The following EPB41L5 variants were observed in gnomAD, a reference collection of about 807,000 sequenced individuals.
EPB41L5 encodes erythrocyte membrane protein band 4.1 like 5.
Under a neutral mutation model 106.6 loss-of-function variants are expected in EPB41L5, and 55 were observed. The ratio of observed to expected loss-of-function variants is 0.52; its 90% CI spans 0.42 to 0.65. EPB41L5 has a LOEUF of 0.65. Ranked by LOEUF, EPB41L5 falls within the 30% of genes least tolerant of loss-of-function variation. EPB41L5 has a pLI of 0.00. For missense variants in EPB41L5, 871 were observed against 882.1 expected (o/e 0.99, Z 0.16); for synonymous variants, 297 against 306.7 (o/e 0.97, Z 0.33).
chr2:120,083,389 T>A (rs974726784), intron 10 of EPB41L5, among the ~76,000 whole-genome samples: 2 of 152,234 alleles, frequency 1.3e-5, no homozygotes, highest in African/African-American at 2.4e-5. Flanking sequence ...GAGCAAGTTG[T>A]TCATTTTCCA....
At chr2:120,098,963 A>G (rs1193700679) in intron 14 of EPB41L5, among the ~76,000 whole-genome samples, 2 of 152,236 alleles carry the variant, frequency 1.3e-5, no homozygotes, top group African/African-American at 4.8e-5. Flanking sequence ...GATTACTGCT[A>G]TGGGAGGCCT....
At chr2:120,098,688 T>TA (rs2105390145) in intron 14 of EPB41L5, among the ~76,000 whole-genome samples, 1 of 152,326 alleles carries the variant, frequency 6.6e-6, no homozygotes, top group African/African-American at 2.4e-5. Context: ...TAGTGCAAGT[T>TA]ATAGTGACTC....
chr2:120,162,069 A>C (rs547690803), intron 21 of EPB41L5, among the ~76,000 whole-genome samples: 1 of 152,316 alleles, frequency 6.6e-6, no homozygotes, highest in South Asian at 2.1e-4. Flanking sequence ...CCTTCAAGCA[A>C]TTCTACTACC....
rs1482126299 is a variant in EPB41L5, at chr2:120,143,151, T to C, written c.1728+20T>C. ...CATAAGGTAAGCTGCCTTTGATAGA[T>C]AGCCCTGGTGAAGTGAAATGAGCAT... On this transcript the variant is annotated intron_variant, in intron 19 of 24. Transcript: ENST00000263713. The C allele has an allele frequency of 1.3e-6, 2 of 1,554,282 alleles. No homozygotes were observed. The highest frequency in any genetic ancestry group is 1.2e-5 in the South Asian group (1 of 80,062).
At chr2:120,117,602 A>T (rs1685008988) in intron 16 of EPB41L5, among the ~76,000 whole-genome samples, 1 of 152,172 alleles carries the variant, frequency 6.6e-6, no homozygotes, top group African/African-American at 2.4e-5. Context: ...TGCCAATCTG[A>T]AAAACAATAT....
chr2:120,025,785 C>G (rs1037072430), intron 2 of EPB41L5, among the ~76,000 whole-genome samples: 3 of 152,142 alleles, frequency 2.0e-5, no homozygotes, highest in Non-Finnish European at 1.5e-5. Flanking sequence ...AATTTACAAG[C>G]TGATTCTAAA....
intron 16 of EPB41L5, among the ~76,000 whole-genome samples, chr2:120,126,009 A>T (rs1480021801): frequency 6.6e-6 from 1 of 152,150 alleles, no homozygotes; most frequent in East Asian, 1.9e-4. Context: ...TTGTCTTCAC[A>T]TAGCATTCTC....
intron 18 of EPB41L5, among the ~76,000 whole-genome samples, chr2:120,140,429 C>G (rs1686121407): frequency 1.3e-5 from 2 of 151,938 alleles, no homozygotes; most frequent in African/African-American, 4.8e-5. Flanking sequence ...TATACAAGTA[C>G]TATGTACCCA....
intron 16 of EPB41L5, among the ~76,000 whole-genome samples, chr2:120,107,526 AC>A (rs1006905370): frequency 5.3e-5 from 8 of 152,268 alleles, no homozygotes; most frequent in South Asian, 2.1e-4. Flanking sequence ...AGATGCTTTT[AC>A]ATAAGGGCTA....
In EPB41L5 at chr2:120,127,851, A is replaced by G. The variant is rs1365968932; in HGVS notation, c.1501A>G (p.Thr501Ala). The G allele has an allele frequency of 2.5e-6, 4 of 1,605,990 alleles. No individual in the cohort carries two copies. The highest frequency in any genetic ancestry group is 3.4e-6 in the Non-Finnish European group (4 of 1,174,064). ...GLGEPEVEYE[T>A]LKDTSEKLKQ... Reference sequence around the variant, plus strand: ...AGGGGAACCTGAAGTTGAATATGAGAGTAAGTAAATGTTCCATTATACATC... The same window carrying G: ...AGGGGAACCTGAAGTTGAATATGAGGGTAAGTAAATGTTCCATTATACATC... The change falls in exon 17 of 25, where the codon ACA becomes GCA. Residue 501 changes from threonine to alanine, a missense_variant and splice_region_variant. Transcript: ENST00000263713.
chr2:120,141,120 C>T (rs1450816103), intron 18 of EPB41L5, among the ~76,000 whole-genome samples: 5 of 152,074 alleles, frequency 3.3e-5, no homozygotes, highest in African/African-American at 1.2e-4. Context: ...AGGATTTATA[C>T]AGTCACCTGA....
chr2:120,017,730 C>A (rs1357968798), intron 1 of EPB41L5, among the ~76,000 whole-genome samples: 1 of 152,146 alleles, frequency 6.6e-6, no homozygotes, highest in African/African-American at 2.4e-5. Flanking sequence ...TGAATTATAT[C>A]TGTATTTTAG....
At chr2:120,104,525 G>T (rs1684337496) in intron 16 of EPB41L5, 1 of 1,051,158 alleles carries the variant, frequency 9.5e-7, no homozygotes, top group African/African-American at 1.7e-5. Flanking sequence ...CACATCACCA[G>T]ACTGTATCTC....
chr2:120,051,305 A>G (rs1162802999), intron 3 of EPB41L5, among the ~76,000 whole-genome samples: 2 of 152,190 alleles, frequency 1.3e-5, no homozygotes, highest in African/African-American at 2.4e-5. Flanking sequence ...GGCTCCACCC[A>G]GTTCAAGCTT....
intron 16 of EPB41L5, chr2:120,105,451 G>T (rs1333919857): frequency 2.0e-6 from 2 of 985,200 alleles, no homozygotes. Context: ...AATCCTTCCT[G>T]CCAGACAAAG....
chr2:120,164,908 C>CAGGTAA lies in EPB41L5; in HGVS notation c.1962_1962+5dup. On this transcript the variant is annotated inframe_insertion and splice_region_variant, in exon 22 of 25. Transcript: ENST00000263713. The stretch of plus-strand genomic sequence containing the variant: ...TCTAATTGATCACACAGTTGCACCT[C>CAGGTAA]AGGTAAATATGCTTTAAAATAGTAT... 6.2e-7 allele frequency: 1 copy of CAGGTAA among 1,606,004 alleles called. No homozygotes were observed. Among genetic ancestry groups the CAGGTAA allele is most frequent in the Non-Finnish European group, 8.5e-7 (1 of 1,175,292 alleles).
At chr2:120,145,347 G>A (rs1686349961) in intron 19 of EPB41L5, among the ~76,000 whole-genome samples, 1 of 152,186 alleles carries the variant, frequency 6.6e-6, no homozygotes, top group African/African-American at 2.4e-5. Context: ...ACAATGAAAT[G>A]TCTGAATAAA....
chr2:120,039,998 T>A (rs977401540), intron 2 of EPB41L5, among the ~76,000 whole-genome samples: 1 of 151,886 alleles, frequency 6.6e-6, no homozygotes, highest in Non-Finnish European at 1.5e-5. Context: ...AAAATTCAAA[T>A]TCTAGCGTTG....
chr2:120,113,470 C>G (rs1014243644), intron 16 of EPB41L5, among the ~76,000 whole-genome samples: 1 of 152,134 alleles, frequency 6.6e-6, no homozygotes, highest in Non-Finnish European at 1.5e-5. Flanking sequence ...TTTATACATT[C>G]TTGAGAGATG....
Sources: gnomAD v4.1 joint callset for allele counts (sites outside exome capture counted in the v4.1 genomes callset) on GRCh38, gnomAD v4.1.1 for gene constraint, MANE v1.5 for transcripts, NCBI Gene and HGNC (gene_info 2026-07-23, HGNC 2026-07-21) for gene names.